The following SCAPER variants were observed in gnomAD, a reference collection of about 807,000 sequenced individuals.
SCAPER encodes S-phase cyclin A associated protein in the ER.
In SCAPER, 98 loss-of-function variants were observed where a neutral mutation model predicts 182.2. The observed-to-expected ratio is 0.54, with a 90% confidence interval of 0.46 to 0.64. SCAPER has a LOEUF of 0.64. SCAPER is among the 30% of genes least tolerant of loss of function. The pLI is 0.00. For missense variants in SCAPER, 1,432 were observed against 1,690.0 expected (o/e 0.85, Z 2.68); for synonymous variants, 605 against 564.6 (o/e 1.07, Z -1.01).
rs527861974 is a variant in SCAPER at position 76,772,433 on chromosome 15, T to C, written c.1036-479A>G. On this transcript the variant is annotated intron_variant, in intron 9 of 31. Transcript: ENST00000563290. ...TTTACAACAATATATTTGGAGGGCATTTTACACAAAAATATAAAACTTATT... is the reference window on the plus strand; with the variant it reads ...TTTACAACAATATATTTGGAGGGCACTTTACACAAAAATATAAAACTTATT... Among the ~76,000 whole-genome samples the C allele has an allele frequency of 2.0e-5, 3 of 152,072 alleles. No homozygotes were observed. The East Asian group carries it at 5.8e-4, about 29-fold the overall frequency.
chr15:76,726,156 A>ATATATATATATACATATAT (rs56986282), intron 17 of SCAPER, among the ~76,000 whole-genome samples: 1 of 79,724 alleles, frequency 1.3e-5, no homozygotes. Context: ...TATATATATA[A>ATATATATATATACATATAT]AAAACTCTAT....
intron 4 of SCAPER, among the ~76,000 whole-genome samples, chr15:76,843,975 A>C (rs2069758092): frequency 6.6e-6 from 1 of 152,178 alleles, no homozygotes; most frequent in South Asian, 2.1e-4. Flanking sequence ...ACTTCATTTA[A>C]TCATTGAAGC....
chr15:76,826,655 C>T (rs1469101313), intron 5 of SCAPER, among the ~76,000 whole-genome samples: 7 of 151,226 alleles, frequency 4.6e-5, no homozygotes, highest in Non-Finnish European at 7.4e-5. Context: ...TGGATGTTCC[C>T]TCCTAAAACA....
In SCAPER at chr15:76,562,148, CAAAAAA is replaced by C. The variant is rs66722088; in HGVS notation, c.2838+12004_2838+12009del. ...GGGCAACAAGAGCAAAACTTCATCT[CAAAAAA>C]AAAAAAAAAAAAAAAATTAATACCA... is the stretch of plus-strand genomic sequence containing the variant. On this transcript the variant is annotated intron_variant, in intron 23 of 31. Transcript: ENST00000563290. Among the ~76,000 whole-genome samples the C allele has an allele frequency of 3.5e-3, 259 of 74,034 alleles. 3 individuals carry two copies. Among genetic ancestry groups the C allele is most frequent in the African/African-American group, 0.012 (234 of 19,162 alleles). 48.6% of individuals were successfully genotyped at this position (74,034 alleles called of 152,430 possible).
rs531469491 is a variant in SCAPER, at chr15:76,540,199, A to G, written c.2838+33959T>C. The stretch of plus-strand genomic sequence containing the variant: ...GAGGATTGCTTGAAGCTAGGTGTTC[A>G]AGACCAGCCTGGGCAACATAGCAAG... On this transcript the variant is annotated intron_variant, in intron 23 of 31. Coordinates refer to ENST00000563290, the MANE Select transcript of SCAPER (RefSeq NM_020843.4). Among the ~76,000 whole-genome samples, 3 of 152,248 alleles carry G rather than the reference A, an allele frequency of 2.0e-5. No individual in the cohort carries two copies. The South Asian group carries it at 6.2e-4, about 32-fold the overall frequency.
chr15:76,756,254 A>AAG (rs1338123864), intron 14 of SCAPER, among the ~76,000 whole-genome samples: 1 of 147,168 alleles, frequency 6.8e-6, no homozygotes, highest in Admixed American at 8.2e-5. Flanking sequence ...AAAAAAAAAA[A>AAG]AAAAAAAAAA....
intron 27 of SCAPER, among the ~76,000 whole-genome samples, chr15:76,386,184 G>A (rs942909141): frequency 1.4e-4 from 22 of 152,120 alleles, no homozygotes; most frequent in African/African-American, 5.1e-4. Flanking sequence ...TAATTACATT[G>A]TGATTACCCT....
chr15:76,369,233 T>C (rs1317118408), intron 29 of SCAPER, among the ~76,000 whole-genome samples: 1 of 152,220 alleles, frequency 6.6e-6, no homozygotes, highest in Non-Finnish European at 1.5e-5. Context: ...CCCTGTCTTA[T>C]AAAGACACAA....
chr15:76,613,824 T>C (rs531383361), intron 22 of SCAPER, among the ~76,000 whole-genome samples: 1 of 152,332 alleles, frequency 6.6e-6, no homozygotes, highest in East Asian at 1.9e-4. Context: ...TGTAAATTAG[T>C]TCGGCCATTG....
intron 24 of SCAPER, among the ~76,000 whole-genome samples, chr15:76,477,570 T>C (rs1329114300): frequency 6.6e-6 from 1 of 152,154 alleles, no homozygotes; most frequent in African/African-American, 2.4e-5. Context: ...ATAGATATTA[T>C]CAAATTTAAA....
At chr15:76,764,030 T>C (rs1386760396) in intron 14 of SCAPER, among the ~76,000 whole-genome samples, 1 of 152,216 alleles carries the variant, frequency 6.6e-6, no homozygotes, top group Non-Finnish European at 1.5e-5. Flanking sequence ...TTTCATGTTC[T>C]TTGTATCCTT....
chr15:76,365,156 T>G (rs2041721357), intron 29 of SCAPER, among the ~76,000 whole-genome samples: 1 of 152,186 alleles, frequency 6.6e-6, no homozygotes, highest in Non-Finnish European at 1.5e-5. Flanking sequence ...GTCTCAGCAC[T>G]GAAGGCACTG....
chr15:76,662,315 C>T (rs74605313), intron 21 of SCAPER, among the ~76,000 whole-genome samples: 7,400 of 152,058 alleles, frequency 0.049, 223 homozygotes, highest in South Asian at 0.12. Context: ...ACATTCTGCA[C>T]GTGTATCCTG....
intron 14 of SCAPER, among the ~76,000 whole-genome samples, chr15:76,764,491 T>C (rs1209644914): frequency 6.6e-6 from 1 of 152,244 alleles, no homozygotes; most frequent in African/African-American, 2.4e-5. Context: ...CCACTGCATA[T>C]GGACATGGAT....
chr15:76,800,269 G>C lies in SCAPER; in HGVS notation c.590C>G (p.Ala197Gly). 1.2e-6 allele frequency: 2 copies of C among 1,611,220 alleles called. No individual in the cohort carries two copies. Among genetic ancestry groups the C allele is most frequent in the Non-Finnish European group, 1.7e-6 (2 of 1,178,232 alleles). Residue 197 changes from alanine to glycine, a missense_variant, in exon 7 of 32, where the codon GCT becomes GGT. Physicochemically the swap from Ala to Gly is moderately conservative, Grantham distance 60. Coordinates refer to ENST00000563290, the MANE Select transcript of SCAPER (RefSeq NM_020843.4). ...STDRINVTSN[A>G]RRSLNFGGST... ...TCACCCAAAATTTAAGCTTCGTCGA[G>C]CATTTGATGTTACATTTATTCTATC...
At chr15:76,791,881 C>T (rs2065026431) in intron 8 of SCAPER, among the ~76,000 whole-genome samples, 1 of 151,736 alleles carries the variant, frequency 6.6e-6, no homozygotes, top group Non-Finnish European at 1.5e-5. Flanking sequence ...AAATCTCAAA[C>T]CAAACCAAAG....
chr15:76,794,191 T>G (rs998971153), intron 8 of SCAPER, among the ~76,000 whole-genome samples: 3 of 152,180 alleles, frequency 2.0e-5, no homozygotes, highest in African/African-American at 4.8e-5. Flanking sequence ...AGAGTTACCA[T>G]AAGTATAGAT....
At chr15:76,752,037 T>TAA (rs796803751) in intron 15 of SCAPER, among the ~76,000 whole-genome samples, 1 of 134,814 alleles carries the variant, frequency 7.4e-6, no homozygotes, top group African/African-American at 2.7e-5. Context: ...AACTCCACAA[T>TAA]AAAAAAAAAA....
chr15:76,769,606 C>A (rs1325407608), intron 10 of SCAPER, among the ~76,000 whole-genome samples: 1 of 152,040 alleles, frequency 6.6e-6, no homozygotes, highest in Non-Finnish European at 1.5e-5. Context: ...CAAATCAAAA[C>A]CACATAAGAT....
Sources: allele counts gnomAD v4.1 joint callset (sites outside exome capture counted in the v4.1 genomes callset), GRCh38; gene constraint gnomAD v4.1.1; transcripts MANE v1.5; gene names NCBI Gene and HGNC (gene_info 2026-07-23, HGNC 2026-07-21).